Variants in FRMD4B observed in about 807,000 individuals in gnomAD.
The protein encoded by FRMD4B is FERM domain containing 4B.
A neutral mutation model predicts 141.5 loss-of-function variants in FRMD4B; 74 were observed. The ratio of observed to expected loss-of-function variants is 0.52; its 90% CI spans 0.43 to 0.63. The LOEUF (loss-of-function observed/expected upper bound fraction) is 0.63. Among genes scored for constraint, FRMD4B ranks in the 30% least tolerant of loss-of-function variants. The pLI is 0.00. For missense variants in FRMD4B, 1,366 were observed against 1,253.4 expected (o/e 1.09, Z -1.36); for synonymous variants, 506 against 467.9 (o/e 1.08, Z -1.05).
Position 69,181,667 on chromosome 3 carries a change from G to A in FRMD4B, c.2083C>T (p.Leu695=). The A allele has an allele frequency of 1.9e-6, 3 of 1,613,728 alleles. No individual in the cohort carries two copies. Among genetic ancestry groups the A allele is most frequent in the Non-Finnish European group, 2.5e-6 (3 of 1,179,738 alleles). ...SQHCRQRSGS[L]ESQSHLLSEM... ...GAGAGCAGGTGGGACTGGGACTCCA[G>A]GCTTCCACTCCGCTGGCGGCAGTGC... Residue 695 remains leucine, a synonymous_variant, in exon 21 of 23, where the codon CTG becomes TTG. Coordinates refer to ENST00000398540, the MANE Select transcript of FRMD4B (RefSeq NM_015123.3).
At position 69,395,537 on chromosome 3, in the gene FRMD4B, C is replaced by T. The variant is rs545968192; in HGVS notation, c.-1+37097G>A. On this transcript the variant is annotated intron_variant, in intron 2 of 5. Transcript: ENST00000459638. ...TATTTTCCCATTATTGCTAAAAATA[C>T]AGAATAATTTGGTAGTATTGTTGCT... Among the ~76,000 whole-genome samples the T allele has an allele frequency of 1.5e-3, 221 of 152,172 alleles. 2 individuals are homozygous for T. The highest frequency in any genetic ancestry group is 6.8e-3 in the Middle Eastern group (2 of 294).
At position 69,233,022 on chromosome 3, in the gene FRMD4B, G is replaced by T. The variant is rs980668271; in HGVS notation, c.582-8332C>A. Reference sequence around the variant, plus strand: ...CCATCTTGGCTTCTCAAAGTACTGGGATTACAGGCATGAACCACCACACCA... The same window carrying T: ...CCATCTTGGCTTCTCAAAGTACTGGTATTACAGGCATGAACCACCACACCA... On this transcript the variant is annotated intron_variant, in intron 7 of 22. Coordinates refer to ENST00000398540, the MANE Select transcript of FRMD4B (RefSeq NM_015123.3). Among the ~76,000 whole-genome samples, 5 of 150,828 alleles carry T rather than the reference G, an allele frequency of 3.3e-5. No homozygotes were observed. In the East Asian group the frequency reaches 9.7e-4, roughly 29 times the overall value.
intron 3 of FRMD4B, chr3:69,306,626 C>T (rs1374352579): frequency 2.6e-5 from 4 of 152,176 alleles, no homozygotes; most frequent in African/African-American, 9.7e-5. Context: ...AAATGCTATC[C>T]CTCTCCCAGT....
At chr3:69,194,317 A>G (rs879319863) in intron 16 of FRMD4B, among the ~76,000 whole-genome samples, 19 of 152,188 alleles carry the variant, frequency 1.2e-4, no homozygotes, top group Admixed American at 1.0e-3. Flanking sequence ...TAAAATGAAG[A>G]TAACACCTAC....
rs1468007896 is a variant in FRMD4B, at chr3:69,171,100, A to G, written c.*761T>C. On this transcript the variant is annotated 3_prime_UTR_variant, in exon 23 of 23. Transcript: ENST00000398540. ...ATCACGCAATTAGTGGAGAAAGGAA[A>G]AAGGAGCTCCATGATATTGTACCTT... is the stretch of plus-strand genomic sequence containing the variant. 8 of 152,210 alleles carry G rather than the reference A, an allele frequency of 5.3e-5. No individual in the cohort carries two copies. The East Asian group carries it at 1.3e-3, about 26-fold the overall frequency. The allele number at this position is 152,210 out of a possible 1,614,324, so 9.4% of individuals were successfully genotyped here. A position where few individuals can be genotyped will look rare whatever the true frequency, so the allele number is the denominator to read the frequency against.
intron 1 of FRMD4B, among the ~76,000 whole-genome samples, chr3:69,486,534 G>T (rs1158405722): frequency 3.3e-5 from 5 of 152,150 alleles, no homozygotes; most frequent in Admixed American, 2.0e-4. Flanking sequence ...TTGAATCTCT[G>T]CCAGGTAACT....
At chr3:69,517,701 C>A (rs1198297206) in intron 1 of FRMD4B, among the ~76,000 whole-genome samples, 1 of 152,154 alleles carries the variant, frequency 6.6e-6, no homozygotes, top group African/African-American at 2.4e-5. Context: ...ACCCTGCATG[C>A]CCCACCCAGC....
chr3:69,474,146 G>T (rs920369492), intron 1 of FRMD4B, among the ~76,000 whole-genome samples: 1 of 152,146 alleles, frequency 6.6e-6, no homozygotes, highest in Non-Finnish European at 1.5e-5. Context: ...TCTTCAGCCT[G>T]GTCTTAGCTC....
intron 1 of FRMD4B, among the ~76,000 whole-genome samples, chr3:69,314,483 A>C (rs1701739336): frequency 6.6e-6 from 1 of 151,428 alleles, no homozygotes; most frequent in African/African-American, 2.4e-5. Context: ...AGTTGAGATC[A>C]CACCACTACA....
chr3:69,217,124 C>A (rs891908103), intron 10 of FRMD4B, among the ~76,000 whole-genome samples: 12 of 152,244 alleles, frequency 7.9e-5, no homozygotes, highest in African/African-American at 2.9e-4. Flanking sequence ...ACGGGAATAT[C>A]GAAAACCCTT....
intron 7 of FRMD4B, among the ~76,000 whole-genome samples, chr3:69,233,075 G>A (rs1298530785): frequency 1.3e-5 from 2 of 151,662 alleles, no homozygotes; most frequent in African/African-American, 4.8e-5. Flanking sequence ...TCTTCTCCAA[G>A]CAAAGCGCTT....
chr3:69,498,813 C>A (rs1319278721), intron 1 of FRMD4B, among the ~76,000 whole-genome samples: 1 of 152,064 alleles, frequency 6.6e-6, no homozygotes, highest in Non-Finnish European at 1.5e-5. Context: ...ATATTTATAC[C>A]CAGGACTTAT....
chr3:69,219,967 G>A (rs7619005), intron 9 of FRMD4B, among the ~76,000 whole-genome samples: 122,968 of 152,194 alleles, frequency 0.81, 50,893 homozygotes, highest in South Asian at 0.95. Context: ...CCTTTGTATG[G>A]CTACATAGTA....
At chr3:69,475,706 CTT>C (rs1381564745) in intron 1 of FRMD4B, among the ~76,000 whole-genome samples, 42 of 152,132 alleles carry the variant, frequency 2.8e-4, no homozygotes, top group African/African-American at 9.9e-4. Flanking sequence ...ATTTATAATC[CTT>C]TGGGTATATA....
chr3:69,194,095 G>A (rs552728202), intron 16 of FRMD4B, among the ~76,000 whole-genome samples: 2 of 152,310 alleles, frequency 1.3e-5, no homozygotes, highest in South Asian at 4.1e-4. Context: ...TCAAGGAAGG[G>A]AATGGCCTTT....
chr3:69,407,794 G>A (rs1385492993), intron 2 of FRMD4B, among the ~76,000 whole-genome samples: 2 of 152,236 alleles, frequency 1.3e-5, no homozygotes, highest in Non-Finnish European at 2.9e-5. Flanking sequence ...GGCTGCAGAA[G>A]TGTCACCCAT....
At chr3:69,540,639 AT>A (rs1277586157) in intron 1 of FRMD4B, among the ~76,000 whole-genome samples, 22 of 55,096 alleles carry the variant, frequency 4.0e-4, no homozygotes, top group African/African-American at 1.6e-3. Context: ...AAAAAAAAAT[AT>A]ATATATATAT....
chr3:69,481,073 G>T (rs1485539855), intron 1 of FRMD4B, among the ~76,000 whole-genome samples: 2 of 152,174 alleles, frequency 1.3e-5, no homozygotes, highest in East Asian at 3.9e-4. Context: ...AAAGCCCAGT[G>T]TTAGGGTAGG....
At chr3:69,221,956 G>T (rs776128533) in intron 8 of FRMD4B, 33 bp from the exon 9 acceptor site, 49 of 1,110,422 alleles carry the variant, frequency 4.4e-5, no homozygotes, top group Non-Finnish European at 6.4e-5. Context: ...GGATTGCAAT[G>T]CATGATTATC....
Sources: gnomAD v4.1 joint callset for allele counts (sites outside exome capture counted in the v4.1 genomes callset) on GRCh38, gnomAD v4.1.1 for gene constraint, MANE v1.5 for transcripts, NCBI Gene and HGNC (gene_info 2026-07-23, HGNC 2026-07-21) for gene names.